ZPBP: variants seen among roughly 807,000 people sequenced by gnomAD.
ZPBP encodes the protein zona pellucida-binding protein 1.
Under a neutral mutation model 44.8 loss-of-function variants are expected in ZPBP, and 26 were observed. The observed-to-expected ratio is 0.58, with a 90% CI of 0.43 to 0.81. The LOEUF (loss-of-function observed/expected upper bound fraction) is 0.81, where lower values mean the gene tolerates loss of function less well. Among genes scored for constraint, ZPBP ranks in the 30% least tolerant of loss-of-function variants. ZPBP has a pLI of 0.00. For synonymous variants in ZPBP, 174 were observed against 153.2 expected (o/e 1.14, Z -1.00); for missense variants, 409 against 434.0 (o/e 0.94, Z 0.51).
chr7:49,965,192 T>C (rs1440492822), intron 7 of ZPBP, among the ~76,000 whole-genome samples: 7 of 152,020 alleles, frequency 4.6e-5, no homozygotes, highest in African/African-American at 1.7e-4. Context: ...GAAAGAGTTG[T>C]GAAGAAAACT....
chr7:49,997,530 G>C (rs1054765111), intron 6 of ZPBP, among the ~76,000 whole-genome samples: 1 of 152,178 alleles, frequency 6.6e-6, no homozygotes, highest in Non-Finnish European at 1.5e-5. Flanking sequence ...GGGTCTTCTA[G>C]GACTTGAATC....
chr7:49,981,736 G>A (rs1241775293), intron 7 of ZPBP, among the ~76,000 whole-genome samples: 4 of 88,168 alleles, frequency 4.5e-5, no homozygotes, highest in East Asian at 5.8e-4. Flanking sequence ...ATTATATATG[G>A]TATATTATAT....
chr7:50,087,361 A>T (rs1758892093), intron 2 of ZPBP, among the ~76,000 whole-genome samples: 1 of 152,212 alleles, frequency 6.6e-6, no homozygotes. Flanking sequence ...GCAAGTTCAA[A>T]ATACAAAAAT....
intron 7 of ZPBP, 149 bp downstream of exon 7, chr7:49,983,193 A>T: frequency 1.3e-6 from 1 of 745,122 alleles, no homozygotes; most frequent in Non-Finnish European, 2.1e-6. Context: ...TCACATCTTT[A>T]GATTCACTTT....
chr7:50,036,658 C>A (rs1355914192), intron 4 of ZPBP, among the ~76,000 whole-genome samples: 1 of 151,980 alleles, frequency 6.6e-6, no homozygotes, highest in African/African-American at 2.4e-5. Context: ...TAAAAGAAAT[C>A]ATAGTAAATA....
chr7:49,850,672 T>C (rs1003563181), intron 2 of ZPBP, among the ~76,000 whole-genome samples: 9 of 152,236 alleles, frequency 5.9e-5, no homozygotes, highest in African/African-American at 2.2e-4. Context: ...AATGCCATCT[T>C]CTGGAAAAAA....
At chr7:50,011,136 G>A (rs1798558429) in intron 6 of ZPBP, among the ~76,000 whole-genome samples, 1 of 152,088 alleles carries the variant, frequency 6.6e-6, no homozygotes, top group Non-Finnish European at 1.5e-5. Flanking sequence ...TTCAACAAAT[G>A]GTGCTGGGAT....
At chr7:50,071,746 G>A (rs1050829084) in intron 3 of ZPBP, among the ~76,000 whole-genome samples, 1 of 152,036 alleles carries the variant, frequency 6.6e-6, no homozygotes, top group African/African-American at 2.4e-5. Context: ...GTTCCAAGAG[G>A]GCATTTCTAG....
chr7:50,034,183 GT>G (rs532541672), intron 4 of ZPBP, among the ~76,000 whole-genome samples: 5,980 of 143,660 alleles, frequency 0.042, 141 homozygotes, highest in South Asian at 0.082. Context: ...GTTTTTGAGG[GT>G]TTTTTTTTTT....
intron 7 of ZPBP, among the ~76,000 whole-genome samples, chr7:49,969,816 TATAGAG>T (rs1185086728): frequency 1.8e-3 from 241 of 136,166 alleles, no homozygotes; most frequent in East Asian, 5.5e-3. Flanking sequence ...TATATATATA[TATAGAG>T]AGAGAGAGAG....
intron 3 of ZPBP, among the ~76,000 whole-genome samples, chr7:50,068,631 T>C (rs1271342082): frequency 6.6e-6 from 1 of 152,190 alleles, no homozygotes; most frequent in Non-Finnish European, 1.5e-5. Context: ...TTGCTGCTAG[T>C]AAATTAGCCT....
intron 2 of ZPBP, chr7:49,901,110 G>A (rs567320313): frequency 3.9e-5 from 6 of 151,976 alleles, no homozygotes; most frequent in East Asian, 1.9e-4. Flanking sequence ...CTACAACATC[G>A]TACTTACTGT....
chr7:49,962,973 GA>G (rs1326230092), intron 7 of ZPBP, among the ~76,000 whole-genome samples: 1 of 151,376 alleles, frequency 6.6e-6, no homozygotes, highest in East Asian at 1.9e-4. Context: ...AGAGCACATA[GA>G]GAGACCTGTT....
At chr7:50,004,560 T>G (rs1222028464) in intron 6 of ZPBP, among the ~76,000 whole-genome samples, 2 of 152,140 alleles carry the variant, frequency 1.3e-5, no homozygotes, top group East Asian at 3.8e-4. Flanking sequence ...CTATTGGATC[T>G]GTCCCTCTGG....
chr7:49,871,353 A>G (rs1306983002), intron 2 of ZPBP, among the ~76,000 whole-genome samples: 3 of 152,200 alleles, frequency 2.0e-5, no homozygotes, highest in Non-Finnish European at 2.9e-5. Flanking sequence ...GGTATATCCC[A>G]TGGTTTTCTT....
chr7:50,000,735 A>T (rs138001921), intron 6 of ZPBP, among the ~76,000 whole-genome samples: 1 of 152,358 alleles, frequency 6.6e-6, no homozygotes, highest in East Asian at 1.9e-4. Context: ...GAATAAAAGA[A>T]AAATAAAAAA....
chr7:50,008,240 A>T (rs1798403556), intron 6 of ZPBP, among the ~76,000 whole-genome samples: 1 of 152,060 alleles, frequency 6.6e-6, no homozygotes, highest in Non-Finnish European at 1.5e-5. Context: ...AACAAACTAT[A>T]CCAAAAGGAA....
At chr7:50,000,185 T>C (rs1045004162) in intron 6 of ZPBP, among the ~76,000 whole-genome samples, 4 of 152,120 alleles carry the variant, frequency 2.6e-5, no homozygotes, top group Admixed American at 1.3e-4. Flanking sequence ...AAAATACATA[T>C]TTGAATTTTA....
intron 6 of ZPBP, among the ~76,000 whole-genome samples, chr7:50,015,200 A>G (rs962582588): frequency 1.1e-4 from 17 of 152,244 alleles, no homozygotes; most frequent in African/African-American, 4.1e-4. Context: ...TTAAAAAAAA[A>G]AGTTTCCATG....
Sources: allele counts gnomAD v4.1 joint callset (sites outside exome capture counted in the v4.1 genomes callset), GRCh38; gene constraint gnomAD v4.1.1; transcripts MANE v1.5; gene names NCBI Gene and HGNC (gene_info 2026-07-23, HGNC 2026-07-21).